The following PAM variants were observed in gnomAD, a reference collection of about 807,000 sequenced individuals.
The protein encoded by PAM is peptidyl-glycine alpha-amidating monooxygenase.
PAM carries 72 observed loss-of-function variants against 122.1 expected under a neutral mutation model. That is an observed-to-expected ratio of 0.59 (90% CI 0.49 to 0.72). The LOEUF (loss-of-function observed/expected upper bound fraction) is 0.72. Ranked by LOEUF, PAM falls within the 30% of genes least tolerant of loss-of-function variation. PAM has a pLI of 0.00. For missense variants in PAM, 1,106 were observed against 1,183.7 expected (o/e 0.93, Z 0.96); for synonymous variants, 389 against 404.4 (o/e 0.96, Z 0.46).
intron 7 of PAM, among the ~76,000 whole-genome samples, chr5:102,927,921 T>A (rs1470745822): frequency 6.6e-6 from 1 of 152,126 alleles, no homozygotes; most frequent in African/African-American, 2.4e-5. Flanking sequence ...TAACTCTCTA[T>A]AGTGCTGAGA....
chr5:102,847,836 A>G (rs908345177), intron 1 of PAM, among the ~76,000 whole-genome samples: 2 of 152,188 alleles, frequency 1.3e-5, no homozygotes, highest in African/African-American at 4.8e-5. Flanking sequence ...CTTTAAATAC[A>G]CACTACATCC....
At chr5:102,801,903 C>T (rs374956439) in intron 1 of PAM, among the ~76,000 whole-genome samples, 5 of 150,248 alleles carry the variant, frequency 3.3e-5, no homozygotes, top group South Asian at 4.2e-4. Context: ...CTCAGCCTCC[C>T]GAGTAGCTGG....
At chr5:102,896,175 C>T (rs990077146) in intron 3 of PAM, among the ~76,000 whole-genome samples, 4 of 151,666 alleles carry the variant, frequency 2.6e-5, no homozygotes, top group African/African-American at 9.7e-5. Context: ...CAGCTGTTCC[C>T]TCACCAAAAT....
At chr5:102,879,758 T>C (rs1790378969) in intron 3 of PAM, among the ~76,000 whole-genome samples, 1 of 152,232 alleles carries the variant, frequency 6.6e-6, no homozygotes, top group Non-Finnish European at 1.5e-5. Flanking sequence ...AATGCGAGAA[T>C]GGTGTAATAC....
chr5:102,977,662 A>T (rs769054485), intron 15 of PAM, among the ~76,000 whole-genome samples: 1 of 60,346 alleles, frequency 1.7e-5, no homozygotes, highest in East Asian at 6.7e-4. Flanking sequence ...ATGTGCGCAC[A>T]CACACACACA....
chr5:102,978,091 TACCA>T (rs1768358452), intron 15 of PAM, among the ~76,000 whole-genome samples: 1 of 152,198 alleles, frequency 6.6e-6, no homozygotes, highest in Admixed American at 6.5e-5. Flanking sequence ...AAAAATGAAA[TACCA>T]AAGTATAAAT....
intron 25 of PAM, among the ~76,000 whole-genome samples, chr5:103,028,470 C>T (rs986933628): frequency 6.6e-6 from 1 of 152,164 alleles, no homozygotes; most frequent in Non-Finnish European, 1.5e-5. Context: ...TTATCTAATT[C>T]TCTTCCCCTG....
intron 21 of PAM, among the ~76,000 whole-genome samples, chr5:103,011,290 T>A (rs890744509): frequency 5.3e-5 from 8 of 152,114 alleles, no homozygotes; most frequent in East Asian, 1.9e-4. Flanking sequence ...TTGATTTTTT[T>A]AAATCAGAAT....
chr5:102,950,403 G>T (rs1231863044), intron 11 of PAM, among the ~76,000 whole-genome samples: 1 of 149,904 alleles, frequency 6.7e-6, no homozygotes, highest in Non-Finnish European at 1.5e-5. Context: ...GTGATTATTT[G>T]TGTATGTGGG....
intron 7 of PAM, among the ~76,000 whole-genome samples, 170 bp downstream of exon 7, chr5:102,926,838 T>C (rs1749747729): frequency 6.6e-6 from 1 of 152,192 alleles, no homozygotes; most frequent in Non-Finnish European, 1.5e-5. Flanking sequence ...ATGACTTTTA[T>C]TTTAGAAGTC....
intron 1 of PAM, among the ~76,000 whole-genome samples, chr5:102,788,552 A>G (rs1761203021): frequency 6.6e-6 from 1 of 152,160 alleles, no homozygotes; most frequent in Admixed American, 6.6e-5. Context: ...TAGAGATGAA[A>G]TGCCTTACCT....
chr5:102,886,462 CT>C, intron 3 of PAM, among the ~76,000 whole-genome samples: 1 of 151,998 alleles, frequency 6.6e-6, no homozygotes, highest in Middle Eastern at 3.4e-3. Flanking sequence ...AAATACCAGT[CT>C]GCCACAACAT....
chr5:102,869,397 G>T (rs1377292636), intron 3 of PAM, among the ~76,000 whole-genome samples: 1 of 151,288 alleles, frequency 6.6e-6, no homozygotes, highest in East Asian at 1.9e-4. Context: ...AGAATGTAGT[G>T]CTTGGTGACG....
intron 7 of PAM, among the ~76,000 whole-genome samples, chr5:102,928,435 A>G (rs1750351357): frequency 6.6e-6 from 1 of 152,174 alleles, no homozygotes; most frequent in South Asian, 2.1e-4. Flanking sequence ...AGAAATTTTA[A>G]CTTTTCAATA....
chr5:102,755,702 A>G (rs1750016788), intron 1 of PAM, among the ~76,000 whole-genome samples: 1 of 151,686 alleles, frequency 6.6e-6, no homozygotes. Context: ...TAGGGGGTAC[A>G]ATTTGTTCAT....
At chr5:102,873,990 G>A (rs1237516518) in intron 3 of PAM, among the ~76,000 whole-genome samples, 2 of 152,090 alleles carry the variant, frequency 1.3e-5, no homozygotes, top group Admixed American at 6.5e-5. Flanking sequence ...TATGCAATGT[G>A]TATAAAATTA....
intron 1 of PAM, among the ~76,000 whole-genome samples, chr5:102,817,950 C>T (rs1770439250): frequency 6.7e-6 from 1 of 150,190 alleles, no homozygotes. Flanking sequence ...GTCTGCAGGG[C>T]CTGTGCAGTC....
At chr5:102,967,611 C>T (rs895644931) in intron 14 of PAM, among the ~76,000 whole-genome samples, 4 of 152,058 alleles carry the variant, frequency 2.6e-5, no homozygotes, top group African/African-American at 9.7e-5. Flanking sequence ...TGTAATTTCT[C>T]CCTTCCCAGA....
chr5:102,897,430 A>G (rs532350869), intron 3 of PAM, among the ~76,000 whole-genome samples: 2 of 151,780 alleles, frequency 1.3e-5, no homozygotes, highest in South Asian at 4.1e-4. Flanking sequence ...TGCTGTTTTA[A>G]TATTCATATA....
Sources: gnomAD v4.1 joint callset for allele counts (sites outside exome capture counted in the v4.1 genomes callset) on GRCh38, gnomAD v4.1.1 for gene constraint, MANE v1.5 for transcripts, NCBI Gene and HGNC (gene_info 2026-07-23, HGNC 2026-07-21) for gene names.